Variants in PRKG1 observed in about 807,000 individuals in gnomAD.
The protein encoded by PRKG1 is cGMP-dependent protein kinase 1.
A neutral mutation model predicts 88.1 loss-of-function variants in PRKG1; 35 were observed. That is an observed-to-expected ratio of 0.40 (90% confidence interval 0.30 to 0.53). PRKG1 has a LOEUF of 0.53. Among genes scored for constraint, PRKG1 ranks in the 20% least tolerant of loss-of-function variants. The pLI, the probability that PRKG1 is intolerant of heterozygous loss-of-function variation, is 0.59. For synonymous variants in PRKG1, 303 were observed against 292.5 expected, an observed-to-expected ratio of 1.04 and a Z score of -0.37; for missense variants, 540 against 839.8, an observed-to-expected ratio of 0.64 and a Z score of 4.41.
Position 51,607,746 on chromosome 10 carries a change from C to T in PRKG1, c.592+139910C>T, listed in dbSNP as rs892809959. Among the ~76,000 whole-genome samples the T allele has an allele frequency of 2.6e-5, 4 of 152,210 alleles. No individual in the cohort carries two copies. In the South Asian group the frequency reaches 6.2e-4, roughly 24 times the overall value. ...TGATGACTACATTTTGCCTTGATGG[C>T]GGTACTAGCAGTGTATGTTGGTCTT... is the stretch of plus-strand genomic sequence containing the variant. On this transcript the variant is annotated intron_variant, in intron 3 of 17. Coordinates refer to ENST00000373980, the MANE Select transcript of PRKG1 (RefSeq NM_006258.4).
At chr10:51,946,760 G>A (rs1226017320) in intron 5 of PRKG1, among the ~76,000 whole-genome samples, 2 of 152,060 alleles carry the variant, frequency 1.3e-5, no homozygotes, top group Non-Finnish European at 2.9e-5. Flanking sequence ...CAGCAGCAGT[G>A]GCTGCAGAAG....
intron 3 of PRKG1, among the ~76,000 whole-genome samples, chr10:51,614,457 T>G (rs2132250356): frequency 6.6e-6 from 1 of 152,098 alleles, no homozygotes; most frequent in South Asian, 2.1e-4. Flanking sequence ...GGGTCAGTAT[T>G]CAAGGATCAT....
At chr10:51,864,809 T>C (rs868572749) in intron 4 of PRKG1, among the ~76,000 whole-genome samples, 5 of 152,192 alleles carry the variant, frequency 3.3e-5, no homozygotes, top group African/African-American at 9.6e-5. Flanking sequence ...TACATTCACA[T>C]CTGCCTGGAA....
At chr10:51,964,132 T>C (rs1010065284) in intron 5 of PRKG1, among the ~76,000 whole-genome samples, 1 of 152,208 alleles carries the variant, frequency 6.6e-6, no homozygotes, top group Admixed American at 6.5e-5. Flanking sequence ...GCTTCCGTTG[T>C]CGTGTATCCT....
chr10:51,552,092 T>C (rs1161073008), intron 3 of PRKG1, among the ~76,000 whole-genome samples: 4 of 151,708 alleles, frequency 2.6e-5, no homozygotes, highest in South Asian at 4.1e-4. Context: ...CCCTACAGAC[T>C]CAGTGATTCT....
At chr10:51,963,061 A>G (rs369402896) in intron 5 of PRKG1, among the ~76,000 whole-genome samples, 4 of 152,090 alleles carry the variant, frequency 2.6e-5, no homozygotes, top group African/African-American at 4.8e-5. Context: ...TATTTATTTT[A>G]TGTTTTGGCA....
intron 2 of PRKG1, among the ~76,000 whole-genome samples, chr10:51,252,134 G>A (rs559193146): frequency 9.2e-5 from 14 of 151,684 alleles, no homozygotes; most frequent in African/African-American, 3.1e-4. Context: ...CCATATACTG[G>A]CACAATGAGC....
At chr10:52,022,675 TA>T (rs1845217423) in intron 5 of PRKG1, among the ~76,000 whole-genome samples, 1 of 152,172 alleles carries the variant, frequency 6.6e-6, no homozygotes, top group South Asian at 2.1e-4. Context: ...CTGAAAATAA[TA>T]TTTTTCTCCT....
chr10:51,893,013 C>A (rs1841760570), intron 4 of PRKG1, among the ~76,000 whole-genome samples: 2 of 152,078 alleles, frequency 1.3e-5, no homozygotes, highest in Non-Finnish European at 2.9e-5. Flanking sequence ...CAGGCATATG[C>A]AATTGTAAAA....
At chr10:51,098,096 CT>C (rs1051784052) in intron 1 of PRKG1, among the ~76,000 whole-genome samples, 4 of 152,028 alleles carry the variant, frequency 2.6e-5, no homozygotes, top group African/African-American at 9.7e-5. Context: ...TTATTAGTTT[CT>C]TTTTTTCCCT....
intron 1 of PRKG1, among the ~76,000 whole-genome samples, chr10:51,076,454 A>C (rs995193913): frequency 6.6e-6 from 1 of 152,226 alleles, no homozygotes; most frequent in African/African-American, 2.4e-5. Flanking sequence ...CAAGTTTTGC[A>C]TAATGAAAAA....
intron 8 of PRKG1, among the ~76,000 whole-genome samples, chr10:52,151,223 C>G (rs964756216): frequency 6.6e-5 from 10 of 152,058 alleles, no homozygotes; most frequent in African/African-American, 2.4e-4. Context: ...TTTTCTGCTG[C>G]TCACCCTCCT....
At chr10:51,478,851 G>A (rs547293741) in intron 3 of PRKG1, among the ~76,000 whole-genome samples, 2 of 150,676 alleles carry the variant, frequency 1.3e-5, no homozygotes, top group South Asian at 4.3e-4. Context: ...AATATCAAAA[G>A]TAGAATTTCT....
At chr10:51,658,384 G>A (rs748505611) in intron 3 of PRKG1, among the ~76,000 whole-genome samples, 1 of 152,102 alleles carries the variant, frequency 6.6e-6, no homozygotes, top group Non-Finnish European at 1.5e-5. Context: ...GGGCAGGGCA[G>A]TCACAGTGCT....
chr10:52,212,595 TGGG>T (rs936810398), intron 9 of PRKG1, among the ~76,000 whole-genome samples: 1 of 148,880 alleles, frequency 6.7e-6, no homozygotes, highest in Non-Finnish European at 1.5e-5. Flanking sequence ...ATATGGCTGT[TGGG>T]GGGAGAGGGG....
chr10:52,237,924 G>A (rs1840733150), intron 9 of PRKG1, among the ~76,000 whole-genome samples: 1 of 140,836 alleles, frequency 7.1e-6, no homozygotes, highest in Non-Finnish European at 1.5e-5. Flanking sequence ...AAACTATACT[G>A]CAAGGCTACA....
chr10:51,834,655 A>T (rs1458172347), intron 4 of PRKG1, among the ~76,000 whole-genome samples: 2 of 150,884 alleles, frequency 1.3e-5, no homozygotes, highest in Non-Finnish European at 2.9e-5. Context: ...TCAAAAAGAA[A>T]GAAAGAAGGA....
intron 5 of PRKG1, among the ~76,000 whole-genome samples, chr10:51,959,389 C>G (rs1239300841): frequency 1.3e-5 from 2 of 152,102 alleles, no homozygotes; most frequent in Non-Finnish European, 1.5e-5. Context: ...CAAAGAGTGT[C>G]ATGTGGATAG....
At chr10:51,163,373 A>G (rs1846416893) in intron 2 of PRKG1, among the ~76,000 whole-genome samples, 1 of 152,206 alleles carries the variant, frequency 6.6e-6, no homozygotes, top group South Asian at 2.1e-4. Flanking sequence ...AACTCCTATG[A>G]AGATGGTTTT....
Sources: allele counts gnomAD v4.1 joint callset (sites outside exome capture counted in the v4.1 genomes callset), GRCh38; gene constraint gnomAD v4.1.1; transcripts MANE v1.5; gene names NCBI Gene and HGNC (gene_info 2026-07-23, HGNC 2026-07-21).